Variants in PABIR3 observed in about 807,000 individuals in gnomAD.
PABIR3 encodes PABIR family member 3.
PABIR3 carries 20 observed loss-of-function variants against 23.1 expected under a neutral mutation model. The observed-to-expected ratio is 0.86, with a 90% CI of 0.61 to 1.26. The LOEUF is 1.26. Among genes scored for constraint, PABIR3 ranks in the 50% most tolerant of loss-of-function variants. The pLI, the probability that PABIR3 is intolerant of heterozygous loss-of-function variation, is 0.00. For missense variants in PABIR3, 189 were observed against 195.4 expected, an observed-to-expected ratio of 0.97 and a Z score of 0.20; for synonymous variants, 69 against 68.5, an observed-to-expected ratio of 1.01 and a Z score of -0.04.
chrX:134,825,828 CTTTTTTTT>C (rs61066719), intron 3 of PABIR3, among the ~76,000 whole-genome samples: 108 of 73,831 alleles, frequency 1.5e-3, no homozygotes, highest in African/African-American at 5.5e-3. Flanking sequence ...ACGCCCGGAT[CTTTTTTTT>C]TTTTTTTTTT....
chrX:134,804,535 CAT>C (rs1323605398), upstream of PABIR3, among the ~76,000 whole-genome samples: 4 of 111,866 alleles, frequency 3.6e-5, no homozygotes, highest in African/African-American at 1.3e-4. Context: ...TTCTTAGAAA[CAT>C]AGTCCCTTAG....
rs147290565 is a variant in PABIR3, at chrX:134,800,484, C to T, written c.-97-3617C>T. ...CTTTGGAACCTTCTACTAAAGGTAA[C>T]CTCCTATGTGAAATTAAGAAGCCTT... On this transcript the variant is annotated intron_variant, in intron 1 of 4. Coordinates refer to the PABIR3 transcript ENST00000414371. 7.6e-3 allele frequency among the ~76,000 whole-genome samples: 840 copies of T among 110,616 alleles called. 3 individuals are homozygous for T. Among genetic ancestry groups the T allele is most frequent in the Non-Finnish European group, 0.012 (657 of 52,833 alleles).
intron 9 of PABIR3, 134 bp downstream of exon 9, chrX:134,849,362 C>A (rs2082545217): frequency 4.1e-6 from 1 of 241,011 alleles, no homozygotes; most frequent in African/African-American, 2.9e-5. Flanking sequence ...TATTAGAGGC[C>A]TTTCATTTTA....
At chrX:134,799,527 C>T (rs1272328489) in intron 1 of PABIR3, among the ~76,000 whole-genome samples, 1 of 112,486 alleles carries the variant, frequency 8.9e-6, no homozygotes, top group East Asian at 2.8e-4. Context: ...ATAACTTCTC[C>T]TTTGCGAACC....
chrX:134,804,386 T>A, upstream of PABIR3: 3 of 429,019 alleles, frequency 7.0e-6, no homozygotes, highest in Non-Finnish European at 7.8e-6. Flanking sequence ...GTGTATGTAC[T>A]ATGAGTCCTA....
chrX:134,803,407 G>A (rs1025835278), upstream of PABIR3, among the ~76,000 whole-genome samples: 2 of 112,365 alleles, frequency 1.8e-5, no homozygotes, highest in African/African-American at 6.5e-5. Context: ...GAATGGCCCT[G>A]GGGAAGAGAA....
chrX:134,839,881 A>T (rs2082158272), intron 4 of PABIR3, among the ~76,000 whole-genome samples: 1 of 112,985 alleles, frequency 8.9e-6, no homozygotes, highest in Non-Finnish European at 1.9e-5. Flanking sequence ...CTCATTGAGA[A>T]CGGGCCATGA....
At chrX:134,809,447 G>A (rs2080502238) in intron 2 of PABIR3, 4 of 737,398 alleles carry the variant, frequency 5.4e-6, no homozygotes, top group East Asian at 1.5e-4. Context: ...TTACAGGCGT[G>A]AGCCACTGCG....
rs866310326 is a variant in PABIR3, at chrX:134,842,619, C to T, written c.247-2586C>T. Reference sequence around the variant, plus strand: ...CGAGACTCCGTCTCAAAAAAAAGTCCGGGCACAGTGGCTCACGCCTGTAAT... The same window carrying T: ...CGAGACTCCGTCTCAAAAAAAAGTCTGGGCACAGTGGCTCACGCCTGTAAT... On this transcript the variant is annotated intron_variant, in intron 4 of 10. Coordinates refer to ENST00000645433, the MANE Select transcript of PABIR3 (RefSeq NM_001388447.1). Among the ~76,000 whole-genome samples the T allele has an allele frequency of 1.8e-4, 20 of 108,734 alleles. No individual in the cohort carries two copies. The Middle Eastern group carries it at 0.016, about 90-fold the overall frequency. 94.4% of individuals were successfully genotyped at this position (108,734 alleles called of 115,157 possible). A position where few individuals can be genotyped will look rare whatever the true frequency, so the allele number is the denominator to read the frequency against.
intron 1 of PABIR3, among the ~76,000 whole-genome samples, chrX:134,799,511 C>T (rs545850835): frequency 8.9e-6 from 1 of 112,532 alleles, no homozygotes; most frequent in Non-Finnish European, 1.9e-5. Context: ...ATAGAAAATT[C>T]CTTTCATAAC....
At chrX:134,862,310 C>T in the PABIR3 span, among the ~76,000 whole-genome samples, 1 of 109,136 alleles carries the variant, frequency 9.2e-6, no homozygotes, top group Admixed American at 9.9e-5. Flanking sequence ...CCACCAAACC[C>T]GGCTAATTTT....
chrX:134,842,006 C>T (rs2082251576), intron 4 of PABIR3, among the ~76,000 whole-genome samples: 1 of 110,965 alleles, frequency 9.0e-6, no homozygotes, highest in South Asian at 3.8e-4. Flanking sequence ...ATAAAAGCAA[C>T]AACAAAAAAA....
At chrX:134,815,397 T>C (rs990860882) in intron 3 of PABIR3, among the ~76,000 whole-genome samples, 4 of 112,183 alleles carry the variant, frequency 3.6e-5, no homozygotes, top group Admixed American at 2.8e-4. Flanking sequence ...TGTAGATCAG[T>C]AAGCCAAGGT....
chrX:134,861,152 G>C, the PABIR3 span, among the ~76,000 whole-genome samples: 5 of 110,592 alleles, frequency 4.5e-5, no homozygotes, highest in African/African-American at 1.3e-4. Context: ...GTGGGTGCCT[G>C]TAGTCCCAGC....
downstream of PABIR3, among the ~76,000 whole-genome samples, chrX:134,857,847 AAATC>A (rs2082757201): frequency 9.0e-6 from 1 of 111,490 alleles, no homozygotes; most frequent in Admixed American, 9.7e-5. Flanking sequence ...TATAATTACT[AAATC>A]AACCAATAAC....
chrX:134,843,057 G>A (rs976453693), intron 4 of PABIR3, among the ~76,000 whole-genome samples: 4 of 109,254 alleles, frequency 3.7e-5, no homozygotes, highest in South Asian at 4.0e-4. Flanking sequence ...AAAATTAGCC[G>A]GGCCTGGTGG....
chrX:134,814,764 T>G lies in PABIR3; in HGVS notation c.111-7T>G. ...TATATAACACATGTTTTTGTTTTTCTTTTTAGTTTTAATTCACAGGTGTTG... is the reference window on the plus strand; with the variant it reads ...TATATAACACATGTTTTTGTTTTTCGTTTTAGTTTTAATTCACAGGTGTTG... On this transcript the variant is annotated splice_polypyrimidine_tract_variant and splice_region_variant and intron_variant, in intron 2 of 10. Coordinates refer to ENST00000645433, the MANE Select transcript of PABIR3 (RefSeq NM_001388447.1). 8.6e-7 allele frequency: 1 copy of G among 1,163,956 alleles called. No homozygotes were observed. Among genetic ancestry groups the G allele is most frequent in the Non-Finnish European group, 1.2e-6 (1 of 867,398 alleles).
rs200562491 is a variant in PABIR3 at position 134,810,697 on chromosome X, CT to C, written c.110+2998del. Reference sequence around the variant, plus strand: ...ATATGTATACTGCTCACTTTTCTCCCTTTTTTTTTCCTTCCTTGGCCCTCTA... The same window carrying C: ...ATATGTATACTGCTCACTTTTCTCCCTTTTTTTTCCTTCCTTGGCCCTCTA... On this transcript the variant is annotated intron_variant, in intron 2 of 10. Coordinates refer to ENST00000645433, the MANE Select transcript of PABIR3 (RefSeq NM_001388447.1). 3.0e-4 allele frequency: 225 copies of C among 746,863 alleles called. 1 individual carries two copies. Among genetic ancestry groups the C allele is most frequent in the Non-Finnish European group, 3.4e-4 (217 of 634,577 alleles). The allele number at this position is 746,863 out of a possible 1,213,427, so 61.5% of individuals were successfully genotyped here. A position where few individuals can be genotyped will look rare whatever the true frequency, so the allele number is the denominator to read the frequency against.
chrX:134,850,058 A>G (rs2082576920), intron 9 of PABIR3, among the ~76,000 whole-genome samples: 1 of 107,089 alleles, frequency 9.3e-6, no homozygotes. Context: ...TATTTTTAGT[A>G]GAGACAGAGT....
Sources: allele counts gnomAD v4.1 joint callset (sites outside exome capture counted in the v4.1 genomes callset), GRCh38; gene constraint gnomAD v4.1.1; transcripts MANE v1.5; gene names NCBI Gene and HGNC (gene_info 2026-07-23, HGNC 2026-07-21).